Variants in LRRTM3 observed in about 807,000 individuals in gnomAD.
LRRTM3 encodes the protein leucine-rich repeat transmembrane neuronal protein 3.
Under a neutral mutation model 44.7 loss-of-function variants are expected in LRRTM3, and 24 were observed. That is an observed-to-expected ratio of 0.54 (90% CI 0.39 to 0.76). The LOEUF is 0.76. Among genes scored for constraint, LRRTM3 ranks in the 30% least tolerant of loss-of-function variants. LRRTM3 has a pLI of 0.00. For synonymous variants in LRRTM3, 277 were observed against 278.7 expected, an observed-to-expected ratio of 0.99 and a Z score of 0.06; for missense variants, 587 against 702.2, an observed-to-expected ratio of 0.84 and a Z score of 1.85.
intron 2 of LRRTM3, among the ~76,000 whole-genome samples, chr10:67,069,883 A>G (rs1856339840): frequency 6.6e-6 from 1 of 152,162 alleles, no homozygotes; most frequent in South Asian, 2.1e-4. Flanking sequence ...ACACTTTTGT[A>G]CATCTTTTGG....
At chr10:67,048,432 A>C (rs1182362693) in intron 2 of LRRTM3, among the ~76,000 whole-genome samples, 1 of 152,128 alleles carries the variant, frequency 6.6e-6, no homozygotes, top group Non-Finnish European at 1.5e-5. Flanking sequence ...ACCTAACATA[A>C]AGAATGATGA....
At chr10:66,929,844 A>G (rs1158923063) in intron 2 of LRRTM3, among the ~76,000 whole-genome samples, 1 of 152,198 alleles carries the variant, frequency 6.6e-6, no homozygotes, top group Non-Finnish European at 1.5e-5. Flanking sequence ...ACCACAGTCA[A>G]TTAAGGTTTT....
rs150431484 is a variant in LRRTM3 at position 67,036,330 on chromosome 10, C to A, written c.1537-61257C>A. 2.7e-3 allele frequency among the ~76,000 whole-genome samples: 402 copies of A among 151,170 alleles called. 4 individuals are homozygous for A. Among genetic ancestry groups the A allele is most frequent in the African/African-American group, 9.4e-3 (386 of 41,156 alleles). On this transcript the variant is annotated intron_variant, in intron 2 of 2. Transcript: ENST00000361320. ...TGTTGCCCAGGCTGGAGTGCAGTGG[C>A]GCGATCTCGGCTCACTGCAATCTCT...
intron 2 of LRRTM3, among the ~76,000 whole-genome samples, chr10:67,005,445 C>T (rs1172474560): frequency 6.6e-6 from 1 of 151,956 alleles, no homozygotes; most frequent in Middle Eastern, 3.2e-3. Context: ...TTATTTCTTT[C>T]TTCACCTGTT....
At chr10:66,944,210 T>TATGAA (rs1564785444) in intron 2 of LRRTM3, among the ~76,000 whole-genome samples, 1 of 152,232 alleles carries the variant, frequency 6.6e-6, no homozygotes, top group Non-Finnish European at 1.5e-5. Context: ...TTTATAAGTT[T>TATGAA]ATGAAATATT....
In LRRTM3 at chr10:66,926,965, G is replaced by A; in HGVS notation, c.49G>A (p.Val17Ile). The A allele has an allele frequency of 6.2e-7, 1 of 1,613,918 alleles. No homozygotes were observed. Among genetic ancestry groups the A allele is most frequent in the Non-Finnish European group, 8.5e-7 (1 of 1,179,926 alleles). The part of the protein sequence containing the change: ...RLLSGSAVAL[V>I]IAPTVLLTML... ...ACTGAGCGGATCAGCTGTAGCACTG[G>A]TTATAGCCCCCACTGTCTTACTGAC... The change falls in exon 2 of 3, where the codon GTT (valine) becomes ATT (isoleucine). Residue 17 changes from valine to isoleucine, a missense_variant. Val to Ile is a conservative substitution (Grantham distance 29, BLOSUM62 3). Around this residue, in one of 3 missense-constraint regions of LRRTM3, gnomAD observed 50 missense variants for 43.4 expected, o/e 1.15. Coordinates refer to ENST00000361320, the MANE Select transcript of LRRTM3 (RefSeq NM_178011.5).
intron 2 of LRRTM3, among the ~76,000 whole-genome samples, chr10:67,061,605 A>G (rs1295330450): frequency 6.6e-6 from 1 of 152,202 alleles, no homozygotes; most frequent in Non-Finnish European, 1.5e-5. Flanking sequence ...GAATTGTAGC[A>G]ATGTTTTAGC....
chr10:66,949,322 C>T (rs890708344), intron 2 of LRRTM3, among the ~76,000 whole-genome samples: 1 of 152,060 alleles, frequency 6.6e-6, no homozygotes, highest in African/African-American at 2.4e-5. Context: ...TTTGGGAGGC[C>T]GAGGCAGGTG....
chr10:66,947,955 G>T (rs981465708), intron 2 of LRRTM3, among the ~76,000 whole-genome samples: 4 of 152,158 alleles, frequency 2.6e-5, no homozygotes, highest in African/African-American at 9.7e-5. Flanking sequence ...AGGCTATATG[G>T]TATAGGCTAT....
rs1376938325 is a variant in LRRTM3, at chr10:67,057,248, ATATC to A, written c.1537-40335_1537-40332del. 8.1e-4 allele frequency among the ~76,000 whole-genome samples: 123 copies of A among 152,282 alleles called. 1 individual carries two copies. The highest frequency in any genetic ancestry group is 7.6e-3 in the Admixed American group (116 of 15,278). On this transcript the variant is annotated intron_variant, in intron 2 of 2. Coordinates refer to ENST00000361320, the MANE Select transcript of LRRTM3 (RefSeq NM_178011.5). ...GAAATGATTGCCACAATCAATTAAT[ATATC>A]TATTATGTCACATACTGTGTGTGTG...
chr10:67,067,754 C>T (rs929728602), intron 2 of LRRTM3, among the ~76,000 whole-genome samples: 2 of 152,166 alleles, frequency 1.3e-5, no homozygotes, highest in Non-Finnish European at 2.9e-5. Context: ...TTTATGCAGT[C>T]ATTCATTCAT....
At chr10:66,967,557 C>T (rs1849501313) in intron 2 of LRRTM3, among the ~76,000 whole-genome samples, 1 of 152,002 alleles carries the variant, frequency 6.6e-6, no homozygotes, top group East Asian at 1.9e-4. Flanking sequence ...ACCCTCTATA[C>T]CTTTAAGCAG....
chr10:67,045,137 A>ATTAT (rs1349268135), intron 2 of LRRTM3, among the ~76,000 whole-genome samples: 1 of 152,266 alleles, frequency 6.6e-6, no homozygotes, highest in Non-Finnish European at 1.5e-5. Flanking sequence ...GCTTACATAC[A>ATTAT]GTAAATGCTG....
chr10:67,050,199 C>G (rs994793683), intron 2 of LRRTM3, among the ~76,000 whole-genome samples: 2 of 152,318 alleles, frequency 1.3e-5, no homozygotes, highest in Admixed American at 1.3e-4. Flanking sequence ...CCTGAAGAAT[C>G]TGCAATGCAG....
intron 2 of LRRTM3, among the ~76,000 whole-genome samples, chr10:67,046,411 G>A (rs1219717117): frequency 6.6e-6 from 1 of 152,086 alleles, no homozygotes. Flanking sequence ...CTGAAACAGG[G>A]ATTCTCAACA....
chr10:67,071,411 T>C (rs987315601), intron 2 of LRRTM3, among the ~76,000 whole-genome samples: 3 of 151,692 alleles, frequency 2.0e-5, no homozygotes, highest in African/African-American at 7.3e-5. Flanking sequence ...AATTGTAGGT[T>C]TGCAGTTATC....
intron 2 of LRRTM3, among the ~76,000 whole-genome samples, chr10:66,963,140 G>A (rs899708917): frequency 3.3e-5 from 5 of 152,092 alleles, no homozygotes; most frequent in African/African-American, 9.7e-5. Context: ...ATAAAACAAA[G>A]CTAGTACTTA....
chr10:67,074,831 T>C (rs1286690770), intron 2 of LRRTM3, among the ~76,000 whole-genome samples: 2 of 152,168 alleles, frequency 1.3e-5, no homozygotes, highest in Non-Finnish European at 2.9e-5. Context: ...TGTATGTATG[T>C]ATATTATGAA....
At chr10:67,095,696 A>T (rs1305692302) in intron 2 of LRRTM3, among the ~76,000 whole-genome samples, 1 of 151,834 alleles carries the variant, frequency 6.6e-6, no homozygotes, top group African/African-American at 2.4e-5. Flanking sequence ...ATGAGGCATA[A>T]GTTTCCATGA....
Sources: gnomAD v4.1 joint callset for allele counts (sites outside exome capture counted in the v4.1 genomes callset) on GRCh38, gnomAD v4.1.1 for gene constraint, gnomAD v4.1.1 regional missense constraint, MANE v1.5 for transcripts, NCBI Gene and HGNC (gene_info 2026-07-23, HGNC 2026-07-21) for gene names.